Variants in UGT2B4 observed in about 807,000 individuals in gnomAD.
The protein encoded by UGT2B4 is UDP glucuronosyltransferase family 2 member B4.
Under a neutral mutation model 49.8 loss-of-function variants are expected in UGT2B4, and 49 were observed. The ratio of observed to expected loss-of-function variants is 0.98; its 90% CI spans 0.78 to 1.25. The LOEUF is 1.25. Ranked by LOEUF, UGT2B4 falls within the 50% of genes most tolerant of loss-of-function variation. The probability of loss-of-function intolerance (pLI) is 0.00; values close to 1 mark genes in which losing one functional copy is unlikely to be tolerated. For synonymous variants in UGT2B4, 246 were observed against 217.7 expected (o/e 1.13, Z -1.14); for missense variants, 729 against 627.7 (o/e 1.16, Z -1.73).
upstream of UGT2B4, among the ~76,000 whole-genome samples, chr4:69,500,657 G>GAAAGAAAGAAAGAAAGAA (rs1560438414): frequency 1.6e-4 from 19 of 118,948 alleles, no homozygotes; most frequent in African/African-American, 5.0e-4. Flanking sequence ...AAGAAAGAAA[G>GAAAGAAAGAAAGAAAGAA]AAAGAAAGAA....
chr4:69,487,866 C>G (rs768170844), intron 3 of UGT2B4, among the ~76,000 whole-genome samples: 62 of 151,818 alleles, frequency 4.1e-4, no homozygotes, highest in Non-Finnish European at 5.0e-4. Context: ...GACCTATATG[C>G]TTTTTTAATG....
chr4:69,522,974 C>G (rs1160076722), intron 1 of UGT2B4, among the ~76,000 whole-genome samples: 1 of 152,142 alleles, frequency 6.6e-6, no homozygotes, highest in Non-Finnish European at 1.5e-5. Flanking sequence ...AATGCAGAAG[C>G]AAATTCTCAT....
intron 1 of UGT2B4, among the ~76,000 whole-genome samples, chr4:69,502,091 C>CTTTCTTTCTTTCTTTCTTCTT (rs1164693410): frequency 9.2e-6 from 1 of 108,418 alleles, no homozygotes; most frequent in African/African-American, 3.4e-5. Flanking sequence ...TTCTTTCTCT[C>CTTTCTTTCTTTCTTTCTTCTT]TCTTTCTTTC....
At chr4:69,519,522 T>A (rs534161973) in intron 1 of UGT2B4, among the ~76,000 whole-genome samples, 22 of 152,294 alleles carry the variant, frequency 1.4e-4, no homozygotes, top group Admixed American at 1.2e-3. Context: ...GGAAAATAAA[T>A]TTCAGAGCCC....
chr4:69,497,433 T>C (rs538259701), upstream of UGT2B4, among the ~76,000 whole-genome samples: 9 of 152,336 alleles, frequency 5.9e-5, no homozygotes, highest in South Asian at 1.4e-3. Flanking sequence ...CCAATTATTA[T>C]ACTCTTTCTT....
chr4:69,508,770 G>A (rs186368378), intron 1 of UGT2B4, among the ~76,000 whole-genome samples: 2 of 152,132 alleles, frequency 1.3e-5, no homozygotes, highest in African/African-American at 2.4e-5. Flanking sequence ...CTTAATACCC[G>A]GCTGATAAAA....
chr4:69,497,986 C>T (rs932504822), upstream of UGT2B4, among the ~76,000 whole-genome samples: 3 of 145,300 alleles, frequency 2.1e-5, no homozygotes, highest in Admixed American at 2.2e-4. Context: ...TAGCCAACAA[C>T]ATTAATGCAA....
chr4:69,482,231 C>T (rs41297739), intron 5 of UGT2B4, among the ~76,000 whole-genome samples: 6,276 of 152,246 alleles, frequency 0.041, 134 homozygotes, highest in East Asian at 0.045. Context: ...TTTTCCTGGC[C>T]ACACTATGAT....
intron 1 of UGT2B4, among the ~76,000 whole-genome samples, chr4:69,504,680 AG>A (rs1432050305): frequency 1.2e-4 from 3 of 25,792 alleles, no homozygotes; most frequent in Admixed American, 5.8e-4. Flanking sequence ...ACCATATTTC[AG>A]GTACCATCCC....
At chr4:69,519,690 T>A (rs1240668653) in intron 1 of UGT2B4, among the ~76,000 whole-genome samples, 1 of 152,234 alleles carries the variant, frequency 6.6e-6, no homozygotes, top group African/African-American at 2.4e-5. Context: ...CACCAAGATC[T>A]TCACCCTAAA....
intron 5 of UGT2B4, 29 bp from the exon 6 acceptor site, chr4:69,480,939 T>C (rs763488572): frequency 1.0e-5 from 16 of 1,605,976 alleles, no homozygotes; most frequent in East Asian, 4.5e-5. Flanking sequence ...AGTATCAACA[T>C]TGAAAGTAAG....
At chr4:69,514,566 C>T (rs1416397779) in intron 1 of UGT2B4, among the ~76,000 whole-genome samples, 3 of 152,240 alleles carry the variant, frequency 2.0e-5, no homozygotes, top group East Asian at 3.9e-4. Flanking sequence ...TTCCAGTTTT[C>T]GCCCATTCAG....
Position 69,485,393 on chromosome 4 carries a change from A to C in UGT2B4, c.1125T>G (p.Gly375=). Residue 375 remains glycine, a synonymous_variant, in exon 5 of 6, where the codon GGT becomes GGG. Transcript: ENST00000305107. ...TTGCCTCATAGATGCCATTGGCTCC[A>C]CCATGAGTTATAAAAGCTCTGGTTT... is the stretch of plus-strand genomic sequence containing the variant. The part of the protein sequence containing the change: ...HPKTRAFITH[G]GANGIYEAIY... 1 of 1,613,888 alleles carries C rather than the reference A, an allele frequency of 6.2e-7. No homozygotes were observed. Among genetic ancestry groups the C allele is most frequent in the Non-Finnish European group, 8.5e-7 (1 of 1,179,810 alleles).
intron 1 of UGT2B4, among the ~76,000 whole-genome samples, chr4:69,503,700 C>A (rs953892862): frequency 6.6e-6 from 1 of 152,182 alleles, no homozygotes; most frequent in Non-Finnish European, 1.5e-5. Flanking sequence ...CCCAGCAACC[C>A]ACCCTAATCC....
In UGT2B4 at chr4:69,480,457, A is replaced by G; in HGVS notation, c.*177T>C. On this transcript the variant is annotated 3_prime_UTR_variant, in exon 6 of 6. Coordinates refer to ENST00000305107, the MANE Select transcript of UGT2B4 (RefSeq NM_021139.3). ...TTTCCCTAATGTTTTCCTCCTTGACATGAAATATTTCTAATGGTTAAACAG... is the reference window on the plus strand; with the variant it reads ...TTTCCCTAATGTTTTCCTCCTTGACGTGAAATATTTCTAATGGTTAAACAG... 2 of 883,984 alleles carry G rather than the reference A, an allele frequency of 2.3e-6. No individual in the cohort carries two copies. The highest frequency in any genetic ancestry group is 3.3e-6 in the Non-Finnish European group (2 of 602,888). 54.8% of individuals were successfully genotyped at this position (883,984 alleles called of 1,614,324 possible). A position where few individuals can be genotyped will look rare whatever the true frequency, so the allele number is the denominator to read the frequency against.
At chr4:69,522,336 C>T (rs1035477778) in intron 1 of UGT2B4, among the ~76,000 whole-genome samples, 2 of 152,032 alleles carry the variant, frequency 1.3e-5, no homozygotes, top group East Asian at 1.9e-4. Flanking sequence ...GTAGACTATC[C>T]GTTAGGTGGG....
chr4:69,489,597 C>A, intron 2 of UGT2B4, 27 bp from the exon 3 acceptor site: 1 of 1,591,282 alleles, frequency 6.3e-7, no homozygotes, highest in Non-Finnish European at 8.5e-7. Flanking sequence ...TTTGTTCTAT[C>A]ATAATAGATT....
chr4:69,497,205 C>T (rs551704665), upstream of UGT2B4, among the ~76,000 whole-genome samples: 1 of 152,300 alleles, frequency 6.6e-6, no homozygotes, highest in South Asian at 2.1e-4. Context: ...TCTGAGGGAC[C>T]TCCCTGATGC....
intron 1 of UGT2B4, among the ~76,000 whole-genome samples, chr4:69,514,138 G>A (rs1728674289): frequency 6.6e-6 from 1 of 151,858 alleles, no homozygotes; most frequent in African/African-American, 2.4e-5. Flanking sequence ...TGTGCACAAT[G>A]TGCAGGTTTG....
Sources: allele counts gnomAD v4.1 joint callset (sites outside exome capture counted in the v4.1 genomes callset), GRCh38; gene constraint gnomAD v4.1.1; transcripts MANE v1.5; gene names NCBI Gene and HGNC (gene_info 2026-07-23, HGNC 2026-07-21).